AOC2: variants seen among roughly 807,000 people sequenced by gnomAD.
The protein encoded by AOC2 is amine oxidase [copper-containing] 2.
In AOC2, 57 loss-of-function variants were observed where a neutral mutation model predicts 53.8. The ratio of observed to expected loss-of-function variants is 1.06; its 90% CI spans 0.86 to 1.32. The LOEUF is 1.32. AOC2 is among the 40% of genes most tolerant of loss of function. The pLI, the probability that AOC2 is intolerant of heterozygous loss-of-function variation, is 0.00. For missense variants in AOC2, 1,008 were observed against 957.2 expected (o/e 1.05, Z -0.70); for synonymous variants, 404 against 399.0 (o/e 1.01, Z -0.15).
chr17:42,849,310 A>G lies in AOC2; in HGVS notation c.1813A>G (p.Ser605Gly). The G allele has an allele frequency of 1.2e-6, 2 of 1,614,196 alleles. No homozygotes were observed. The highest frequency in any genetic ancestry group is 1.7e-6 in the Non-Finnish European group (2 of 1,180,030). ...GCGCGGGTACCGAATCCAGATCCAC[A>G]GCCCCCTTGGCATACACATACCCCT... is the stretch of plus-strand genomic sequence containing the variant. The part of the protein sequence containing the change: ...HQRGYRIQIH[S>G]PLGIHIPLES... Residue 605 changes from serine (S) to glycine (G), a missense_variant, in exon 2 of 4, where the codon AGC becomes GGC. By Grantham distance (56) the Ser-to-Gly change is moderately conservative. Coordinates refer to ENST00000253799, the MANE Select transcript of AOC2 (RefSeq NM_009590.4).
rs139436142 is a variant in AOC2, at chr17:42,845,055, T to C, written c.429T>C (p.Pro143=). 720 of 1,613,678 alleles carry C rather than the reference T, an allele frequency of 4.5e-4. No homozygotes were observed. The highest frequency in any genetic ancestry group is 5.4e-4 in the Non-Finnish European group (637 of 1,179,902). ...GTGAGCTGGTGGTGGGGCCGCTGCC[T>C]CACCCCTCGTACATGCGGGATGTGA... ...NVSELVVGPL[P]HPSYMRDVTV... Residue 143 remains proline, a synonymous_variant, in exon 1 of 4, where the codon CCT becomes CCC. Coordinates refer to ENST00000253799, the MANE Select transcript of AOC2 (RefSeq NM_009590.4).
intron 3 of AOC2, 33 bp downstream of exon 3, chr17:42,849,763 C>G: frequency 6.2e-7 from 1 of 1,613,502 alleles, no homozygotes. Context: ...GAAAGGGACA[C>G]CTGTGGGCAT....
chr17:42,849,222 G>A lies in AOC2; in HGVS notation c.1725G>A (p.Leu575=). ...LGKEDLTAFS[L]GSPLPRYLYL... is the part of the protein sequence containing the mutation. ...AGGAGGACCTGACAGCTTTTTCCTT[G>A]GGAAGCCCCCTACCCCGCTACCTCT... The change falls in exon 2 of 4, where the codon TTG becomes TTA. Residue 575 remains leucine, a synonymous_variant. Coordinates refer to ENST00000253799, the MANE Select transcript of AOC2 (RefSeq NM_009590.4). 6.2e-7 allele frequency: 1 copy of A among 1,614,096 alleles called. No individual in the cohort carries two copies.
chr17:42,850,159 G>T lies in AOC2; in HGVS notation c.2082G>T (p.Gly694=), dbSNP rs1206554391. 1 of 1,614,188 alleles carries T rather than the reference G, an allele frequency of 6.2e-7. No homozygotes were observed. The change falls in exon 4 of 4, where the codon GGG becomes GGT. Residue 694 remains glycine (G), a synonymous_variant. Transcript: ENST00000253799. ...AEDIPNTVTL[G]NRVGFLLRPY... is the part of the protein sequence containing the mutation. ...ACATCCCAAACACAGTGACTCTGGG[G>T]AACAGAGTTGGCTTCTTGCTCCGAC...
chr17:42,844,861 C>A lies in AOC2; in HGVS notation c.235C>A (p.Leu79Met). 6.2e-7 allele frequency: 1 copy of A among 1,612,124 alleles called. No homozygotes were observed. The highest frequency in any genetic ancestry group is 8.5e-7 in the Non-Finnish European group (1 of 1,178,674). ...RFLTQRLGPG[L>M]VDAAQAQPSD... ...TCTGACCCAGCGGCTGGGGCCAGGGCTGGTGGACGCAGCCCAGGCTCAGCC... is the reference window on the plus strand; with the variant it reads ...TCTGACCCAGCGGCTGGGGCCAGGGATGGTGGACGCAGCCCAGGCTCAGCC... Residue 79 changes from leucine to methionine, a missense_variant, in exon 1 of 4, where the codon CTG (leucine) becomes ATG (methionine). By Grantham distance (15) the Leu-to-Met change is conservative. Coordinates refer to ENST00000253799, the MANE Select transcript of AOC2 (RefSeq NM_009590.4).
At chr17:42,848,542 T>C (rs1013588708) in intron 1 of AOC2, among the ~76,000 whole-genome samples, 2 of 135,984 alleles carry the variant, frequency 1.5e-5, no homozygotes, top group Non-Finnish European at 3.0e-5. Context: ...TATATATATA[T>C]ATACATATAT....
chr17:42,845,959 T>G lies in AOC2; in HGVS notation c.1333T>G (p.Phe445Val). 6.2e-7 allele frequency: 1 copy of G among 1,614,116 alleles called. No homozygotes were observed. Among genetic ancestry groups the G allele is most frequent in the Non-Finnish European group, 8.5e-7 (1 of 1,180,014 alleles). ...RRHHNYLQNH[F>V]YGGLASSALV... ...GCACCACAATTACCTTCAAAATCAT[T>G]TCTATGGTGGTTTGGCCAGCTCAGC... The change falls in exon 1 of 4, where the codon TTC becomes GTC. Residue 445 changes from phenylalanine (F) to valine (V), a missense_variant. Transcript: ENST00000253799.
In AOC2 at chr17:42,849,350, AGAGGGCCCTCAGCTGGGGGAGGTGAG is replaced by A. The variant is rs2055627322; in HGVS notation, c.1863_1874+14del. 3.1e-6 allele frequency: 5 copies of A among 1,612,548 alleles called. No individual in the cohort carries two copies. The highest frequency in any genetic ancestry group is 4.5e-5 in the East Asian group (2 of 44,816). ...CACATACCCCTGGAGAGTGACATGG[AGAGGGCCCTCAGCTGGGGGAGGTGAG>A]GAGGGCCCTGGCCTGGGTGGAAGGA... On this transcript the variant is annotated splice_donor_variant and splice_donor_5th_base_variant and coding_sequence_variant and intron_variant, in exon 2 of 4. Transcript: ENST00000253799. LOFTEE classifies it high-confidence loss of function.
chr17:42,845,595 G>A lies in AOC2; in HGVS notation c.969G>A (p.Leu323=), dbSNP rs142820992. The A allele has an allele frequency of 5.0e-6, 8 of 1,614,088 alleles. No individual in the cohort carries two copies. In the African/African-American group the frequency reaches 8.0e-5, roughly 16 times the overall value. Residue 323 remains leucine, a synonymous_variant, in exon 1 of 4, where the codon CTG becomes CTA. Transcript: ENST00000253799. The stretch of plus-strand genomic sequence containing the variant: ...CCCAGTACAGTGTGCAAGGAAACCT[G>A]GTGGTATCCTCCCTCTGGTCATTTA... ...QGSQYSVQGN[L]VVSSLWSFTF... is the part of the protein sequence containing the mutation.
rs768567560 is a variant in AOC2, at chr17:42,849,585, T to G, written c.1875-16T>G. 1 of 1,614,172 alleles carries G rather than the reference T, an allele frequency of 6.2e-7. No homozygotes were observed. The highest frequency in any genetic ancestry group is 8.5e-7 in the Non-Finnish European group (1 of 1,180,026). ...TTGACATTTCCCAAAACCACCTTCT[T>G]ATGATTCCTGGCCAGATACCAGCTT... On this transcript the variant is annotated splice_polypyrimidine_tract_variant and intron_variant, in intron 2 of 3. Coordinates refer to ENST00000253799, the MANE Select transcript of AOC2 (RefSeq NM_009590.4).
Position 42,850,417 on chromosome 17 carries a change from G to T in AOC2, c.*69G>T, listed in dbSNP as rs543251149. On this transcript the variant is annotated 3_prime_UTR_variant, in exon 4 of 4. Transcript: ENST00000253799. Reference sequence around the variant, plus strand: ...TCCCTGTTTCTACTTTCTATTCTCCGTGTTTTTATCACACCTGCTCCCCAG... The same window carrying T: ...TCCCTGTTTCTACTTTCTATTCTCCTTGTTTTTATCACACCTGCTCCCCAG... 2 of 1,495,874 alleles carry T rather than the reference G, an allele frequency of 1.3e-6. No individual in the cohort carries two copies. The highest frequency in any genetic ancestry group is 1.8e-6 in the Non-Finnish European group (2 of 1,122,374). 92.7% of individuals were successfully genotyped at this position (1,495,874 alleles called of 1,614,324 possible).
At position 42,845,993 on chromosome 17, in the gene AOC2, T is replaced by A; in HGVS notation, c.1367T>A (p.Val456Asp). 1 of 1,614,182 alleles carries A rather than the reference T, an allele frequency of 6.2e-7. No individual in the cohort carries two copies. Among genetic ancestry groups the A allele is most frequent in the Non-Finnish European group, 8.5e-7 (1 of 1,180,022 alleles). The change falls in exon 1 of 4, where the codon GTC becomes GAC. Residue 456 changes from valine to aspartate, a missense_variant. Physicochemically the swap from Val to Asp is radical, Grantham distance 152 (BLOSUM62 -3). Transcript: ENST00000253799. Reference sequence around the variant, plus strand: ...GGTTTGGCCAGCTCAGCCCTTGTGGTCAGGTCTGTGTCATCTGTGGGCAAC... The same window carrying A: ...GGTTTGGCCAGCTCAGCCCTTGTGGACAGGTCTGTGTCATCTGTGGGCAAC... ...YGGLASSALV[V>D]RSVSSVGNYD...
In AOC2 at chr17:42,850,482, A is replaced by G. The variant is rs1308699547; in HGVS notation, c.*134A>G. On this transcript the variant is annotated 3_prime_UTR_variant, in exon 4 of 4. Transcript: ENST00000253799. Reference sequence around the variant, plus strand: ...AATGTTCCTCTCACACGAAACCCCCATCAGTCCCTTTGGTTAATTCTTACT... The same window carrying G: ...AATGTTCCTCTCACACGAAACCCCCGTCAGTCCCTTTGGTTAATTCTTACT... 2.8e-6 allele frequency: 3 copies of G among 1,059,000 alleles called. No homozygotes were observed. The highest frequency in any genetic ancestry group is 4.0e-6 in the Non-Finnish European group (3 of 754,222). The allele number at this position is 1,059,000 out of a possible 1,614,324, so 65.6% of individuals were successfully genotyped here.
rs1398508557 is a variant in AOC2 at position 42,850,552 on chromosome 17, A to G, written c.*204A>G. 1.1e-5 allele frequency: 6 copies of G among 524,434 alleles called. No individual in the cohort carries two copies. Among genetic ancestry groups the G allele is most frequent in the South Asian group, 5.3e-5 (1 of 18,826 alleles). The allele number at this position is 524,434 out of a possible 1,614,324, so 32.5% of individuals were successfully genotyped here. ...GTTAAATTATAAAAATGATTTTTAA[A>G]TATTCAAAGAAAAATATCACAAATC... On this transcript the variant is annotated 3_prime_UTR_variant, in exon 4 of 4. Coordinates refer to ENST00000253799, the MANE Select transcript of AOC2 (RefSeq NM_009590.4).
At position 42,849,291 on chromosome 17, in the gene AOC2, G is replaced by A. The variant is rs778825654; in HGVS notation, c.1794G>A (p.Gly598=). 6.2e-7 allele frequency: 1 copy of A among 1,614,168 alleles called. No individual in the cohort carries two copies. The highest frequency in any genetic ancestry group is 1.7e-5 in the Admixed American group (1 of 60,028). Residue 598 remains glycine (G), a synonymous_variant, in exon 2 of 4, where the codon GGG becomes GGA. Coordinates refer to ENST00000253799, the MANE Select transcript of AOC2 (RefSeq NM_009590.4). ...NQTNAWGHQR[G]YRIQIHSPLG... is the part of the protein sequence containing the mutation. ...CTAATGCGTGGGGTCACCAGCGCGG[G>A]TACCGAATCCAGATCCACAGCCCCC...
chr17:42,845,815 G>A lies in AOC2; in HGVS notation c.1189G>A (p.Asp397Asn), dbSNP rs1278277270. The A allele has an allele frequency of 2.5e-6, 4 of 1,614,148 alleles. No individual in the cohort carries two copies. Among genetic ancestry groups the A allele is most frequent in the East Asian group, 2.2e-5 (1 of 44,888 alleles). Reference sequence around the variant, plus strand: ...CAGCCGAGGCTTGGTGCGGGGAGTGGACTGCCCCTATCAAGCCACGATGGT... The same window carrying A: ...CAGCCGAGGCTTGGTGCGGGGAGTGAACTGCCCCTATCAAGCCACGATGGT... ...RNSRGLVRGV[D>N]CPYQATMVDI... is the part of the protein sequence containing the mutation. The change falls in exon 1 of 4, where the codon GAC becomes AAC. Residue 397 changes from aspartate (D) to asparagine (N), a missense_variant. By Grantham distance (23) the Asp-to-Asn change is conservative (BLOSUM62 1). Coordinates refer to ENST00000253799, the MANE Select transcript of AOC2 (RefSeq NM_009590.4).
rs1400130679 is a variant in AOC2 at position 42,845,132 on chromosome 17, G to A, written c.506G>A (p.Arg169Lys). The A allele has an allele frequency of 2.5e-6, 4 of 1,613,690 alleles. No homozygotes were observed. The highest frequency in any genetic ancestry group is 3.4e-6 in the Non-Finnish European group (4 of 1,180,036). Residue 169 changes from arginine (R) to lysine (K), a missense_variant, in exon 1 of 4, where the codon AGA (arginine) becomes AAA (lysine). Transcript: ENST00000253799. ...CCCTATCACCGTCGCCCGGTGCTGA[G>A]AGCTGAGTTTACACAGATGTGGAGG... ...PLPYHRRPVL[R>K]AEFTQMWRHL...
At chr17:42,849,950 C>T (rs959547644) in intron 3 of AOC2, 132 bp from the exon 4 acceptor site, 2 of 1,343,752 alleles carry the variant, frequency 1.5e-6, no homozygotes, top group Non-Finnish European at 2.1e-6. Flanking sequence ...ACATGGATTG[C>T]TCCACGTGTT....
In AOC2 at chr17:42,845,829, A is replaced by G; in HGVS notation, c.1203A>G (p.Gln401=). The G allele has an allele frequency of 6.2e-7, 1 of 1,614,192 alleles. No individual in the cohort carries two copies. Among genetic ancestry groups the G allele is most frequent in the Non-Finnish European group, 8.5e-7 (1 of 1,180,044 alleles). Residue 401 remains glutamine (Q), a synonymous_variant, in exon 1 of 4, where the codon CAA becomes CAG. Transcript: ENST00000253799. ...GLVRGVDCPY[Q]ATMVDIHILV... is the part of the protein sequence containing the mutation. ...TGCGGGGAGTGGACTGCCCCTATCA[A>G]GCCACGATGGTGGACATCCATATAT...
Sources: allele counts gnomAD v4.1 joint callset (sites outside exome capture counted in the v4.1 genomes callset), GRCh38; gene constraint gnomAD v4.1.1; transcripts MANE v1.5; gene names NCBI Gene and HGNC (gene_info 2026-07-23, HGNC 2026-07-21).